Variants in MPRIP observed in about 807,000 individuals in gnomAD.
MPRIP encodes the protein myosin phosphatase Rho-interacting protein.
In MPRIP, 59 loss-of-function variants were observed where a neutral mutation model predicts 234.9. The observed-to-expected ratio is 0.25, with a 90% CI of 0.20 to 0.31. The LOEUF (loss-of-function observed/expected upper bound fraction) is 0.31, where lower values mean the gene tolerates loss of function less well. Among genes scored for constraint, MPRIP ranks in the 10% least tolerant of loss-of-function variants. MPRIP has a pLI of 1.00. For synonymous variants in MPRIP, 1,144 were observed against 1,263.9 expected (o/e 0.91, Z 2.01); for missense variants, 2,436 against 3,071.0 (o/e 0.79, Z 4.89).
Position 17,177,531 on chromosome 17 carries a change from G to A in MPRIP, c.7120+119G>A. 4.4e-6 allele frequency: 5 copies of A among 1,132,032 alleles called. No individual in the cohort carries two copies. In the South Asian group the frequency reaches 7.9e-5, roughly 18 times the overall value. 70.1% of individuals were successfully genotyped at this position (1,132,032 alleles called of 1,614,324 possible). The stretch of plus-strand genomic sequence containing the variant: ...AGTCCCAGTGATGCTTGTAGACCCA[G>A]GCATCCCAGTGGAGCAGGAGCACCA... On this transcript the variant is annotated intron_variant, in intron 22 of 23. Transcript: ENST00000651222.
At chr17:17,059,034 A>G (rs2088792014) in intron 1 of MPRIP, among the ~76,000 whole-genome samples, 1 of 152,326 alleles carries the variant, frequency 6.6e-6, no homozygotes, top group African/African-American at 2.4e-5. Context: ...GGTTATGTCC[A>G]TTGGTATTTC....
intron 1 of MPRIP, among the ~76,000 whole-genome samples, chr17:17,051,542 G>A (rs910297101): frequency 6.6e-6 from 1 of 152,192 alleles, no homozygotes; most frequent in African/African-American, 2.4e-5. Context: ...CCTGGGGCGG[G>A]GTGGCGGGGG....
chr17:17,150,131 C>T lies in MPRIP; in HGVS notation c.1630-13C>T, dbSNP rs1438680518. The T allele has an allele frequency of 6.2e-7, 1 of 1,607,848 alleles. No individual in the cohort carries two copies. Among genetic ancestry groups the T allele is most frequent in the Admixed American group, 1.7e-5 (1 of 59,660 alleles). Reference sequence around the variant, plus strand: ...TCCTAAAAATCTCAAGACATTCTCACTTCCCTCGGCAGGCAGCCGACTTGG... The same window carrying T: ...TCCTAAAAATCTCAAGACATTCTCATTTCCCTCGGCAGGCAGCCGACTTGG... On this transcript the variant is annotated splice_polypyrimidine_tract_variant and intron_variant, in intron 11 of 23. Coordinates refer to ENST00000651222, the MANE Select transcript of MPRIP (RefSeq NM_001364716.4).
intron 3 of MPRIP, among the ~76,000 whole-genome samples, chr17:17,097,637 T>C (rs75991203): frequency 0.038 from 5,854 of 152,306 alleles, 334 homozygotes; most frequent in African/African-American, 0.12. Context: ...TTTTCAGATT[T>C]TTACTTTTTT....
chr17:17,179,970 A>T, intron 22 of MPRIP, 33 bp from the exon 23 acceptor site: 1 of 1,540,520 alleles, frequency 6.5e-7, no homozygotes, highest in African/African-American at 1.4e-5. Context: ...AAGCAAAGGT[A>T]ACAGGTCTGT....
chr17:17,102,947 C>T (rs2089992977), intron 3 of MPRIP, among the ~76,000 whole-genome samples: 1 of 152,272 alleles, frequency 6.6e-6, no homozygotes, highest in African/African-American at 2.4e-5. Context: ...GTAACCACTT[C>T]TGTCTGGCAT....
rs769679514 is a variant in MPRIP, at chr17:17,172,858, C to T, written c.6590+43C>T. ...CCCATCTGCCCTTGGGAGGGCCCCT[C>T]TGGGGTGCTGACCAGGCCACAGCTG... On this transcript the variant is annotated intron_variant, in intron 18 of 23. Transcript: ENST00000651222. The T allele has an allele frequency of 2.6e-6, 4 of 1,535,028 alleles. No homozygotes were observed. The Admixed American group carries it at 6.7e-5, about 26-fold the overall frequency.
intron 3 of MPRIP, among the ~76,000 whole-genome samples, chr17:17,121,330 G>C (rs1319440615): frequency 6.6e-6 from 1 of 152,260 alleles, no homozygotes; most frequent in East Asian, 1.9e-4. Flanking sequence ...ACAGTGGCAA[G>C]TATTGATGTA....
In MPRIP at chr17:17,165,119, A is replaced by G; in HGVS notation, c.3528A>G (p.Ala1176=). ...KEEELERIKE[A]HEKVLEKKEQ... ...AAGAGCTGGAGCGCATTAAGGAAGC[A>G]CATGAGAAGGTTCTGGAGAAGAAGG... Residue 1176 remains alanine, a synonymous_variant, in exon 16 of 24, where the codon GCA becomes GCG. Coordinates refer to ENST00000651222, the MANE Select transcript of MPRIP (RefSeq NM_001364716.4). 7.7e-7 allele frequency: 1 copy of G among 1,304,248 alleles called. No individual in the cohort carries two copies. Among genetic ancestry groups the G allele is most frequent in the Non-Finnish European group, 1.0e-6 (1 of 988,988 alleles). 80.8% of individuals were successfully genotyped at this position (1,304,248 alleles called of 1,614,324 possible). A position where few individuals can be genotyped will look rare whatever the true frequency, so the allele number is the denominator to read the frequency against.
In MPRIP at chr17:17,146,026, C is replaced by T. The variant is rs73279632; in HGVS notation, c.1504-10C>T. 3,533 of 1,613,510 alleles carry T rather than the reference C, an allele frequency of 2.2e-3. 80 individuals carry two copies. In the African/African-American group the frequency reaches 0.043, roughly 20 times the overall value. On this transcript the variant is annotated splice_polypyrimidine_tract_variant and intron_variant, in intron 9 of 23. Coordinates refer to ENST00000651222, the MANE Select transcript of MPRIP (RefSeq NM_001364716.4). ...TTCCTCTGAGCTGTTCTTTTTTCTC[C>T]CTTTCTCAGCCCGACCTGCTGAATT...
intron 4 of MPRIP, among the ~76,000 whole-genome samples, chr17:17,129,166 C>T (rs2090549294): frequency 6.6e-6 from 1 of 152,192 alleles, no homozygotes; most frequent in African/African-American, 2.4e-5. Context: ...TTCTGGGCCA[C>T]ACTTTACATA....
intron 18 of MPRIP, among the ~76,000 whole-genome samples, chr17:17,173,023 G>A (rs771298315): frequency 1.3e-5 from 2 of 152,354 alleles, no homozygotes; most frequent in Non-Finnish European, 2.9e-5. Context: ...ACTGTTCCTC[G>A]AAATGCCAAG....
intron 1 of MPRIP, among the ~76,000 whole-genome samples, chr17:17,070,001 G>A (rs2089155077): frequency 6.6e-6 from 1 of 152,104 alleles, no homozygotes; most frequent in Non-Finnish European, 1.5e-5. Context: ...TTTCATTCCT[G>A]AAGGATATTT....
At chr17:17,142,869 G>C (rs2045360768) in intron 8 of MPRIP, 104 bp downstream of exon 8, 3 of 1,327,816 alleles carry the variant, frequency 2.3e-6, no homozygotes, top group Non-Finnish European at 3.1e-6. Flanking sequence ...ATGTGCTCCT[G>C]CCAGGCTTCT....
At chr17:17,159,276 C>T (rs193016082) in intron 14 of MPRIP, among the ~76,000 whole-genome samples, 89 of 152,354 alleles carry the variant, frequency 5.8e-4, no homozygotes, top group African/African-American at 1.9e-3. Context: ...GAGAGGCAAG[C>T]GGCGTTGCAG....
chr17:17,099,198 C>G (rs2089910300), intron 3 of MPRIP, among the ~76,000 whole-genome samples: 1 of 152,200 alleles, frequency 6.6e-6, no homozygotes, highest in African/African-American at 2.4e-5. Flanking sequence ...TCCCTCCCTC[C>G]TCCCTGGACA....
At chr17:17,142,900 T>A in intron 8 of MPRIP, 135 bp downstream of exon 8, 1 of 967,856 alleles carries the variant, frequency 1.0e-6, no homozygotes, top group Non-Finnish European at 1.5e-6. Context: ...CTCCTCTGCA[T>A]AGTGACTTCT....
Position 17,165,234 on chromosome 17 carries a change from A to T in MPRIP, c.3643A>T (p.Ile1215Phe). 7.7e-7 allele frequency: 1 copy of T among 1,304,120 alleles called. No homozygotes were observed. Among genetic ancestry groups the T allele is most frequent in the Non-Finnish European group, 1.0e-6 (1 of 988,974 alleles). 80.8% of individuals were successfully genotyped at this position (1,304,120 alleles called of 1,614,324 possible). ...AATTAAGCTCCAGGCAAAAGAAGAG[A>T]TTTTAAGGAAATTTGCAAGTGAATC... ...TEIKLQAKEEILRKFASESPK... is the reference protein window; with the variant it reads ...TEIKLQAKEEFLRKFASESPK... The change falls in exon 16 of 24, where the codon ATT becomes TTT. Residue 1215 changes from isoleucine (I) to phenylalanine (F), a missense_variant. Coordinates refer to ENST00000651222, the MANE Select transcript of MPRIP (RefSeq NM_001364716.4).
chr17:17,060,222 G>A (rs1293737387), intron 1 of MPRIP, among the ~76,000 whole-genome samples: 1 of 152,164 alleles, frequency 6.6e-6, no homozygotes, highest in East Asian at 1.9e-4. Context: ...CATGGGCAAT[G>A]TGCTTTGGGG....
Sources: gnomAD v4.1 joint callset for allele counts (sites outside exome capture counted in the v4.1 genomes callset) on GRCh38, gnomAD v4.1.1 for gene constraint, MANE v1.5 for transcripts, NCBI Gene and HGNC (gene_info 2026-07-23, HGNC 2026-07-21) for gene names.